Variants in KTN1 observed in about 807,000 individuals in gnomAD.
KTN1 encodes the protein kinectin 1.
KTN1 carries 130 observed loss-of-function variants against 222.5 expected under a neutral mutation model. The observed-to-expected ratio is 0.58, with a 90% CI of 0.51 to 0.68. KTN1 has a LOEUF of 0.68. Among genes scored for constraint, KTN1 ranks in the 30% least tolerant of loss-of-function variants. The probability of loss-of-function intolerance (pLI) is 0.00; values close to 1 mark genes in which losing one functional copy is unlikely to be tolerated. For synonymous variants in KTN1, 512 were observed against 496.3 expected, an observed-to-expected ratio of 1.03 and a Z score of -0.42; for missense variants, 1,508 against 1,500.4, an observed-to-expected ratio of 1.01 and a Z score of -0.08.
intron 1 of KTN1, among the ~76,000 whole-genome samples, chr14:55,584,941 TGG>T (rs1404983713): frequency 1.3e-5 from 2 of 152,054 alleles, no homozygotes; most frequent in Non-Finnish European, 2.9e-5. Flanking sequence ...GGGACCAGCC[TGG>T]GCAACGTGGC....
intron 37 of KTN1, chr14:55,672,228 G>A (rs779583314): frequency 2.6e-5 from 6 of 232,266 alleles, no homozygotes; most frequent in Non-Finnish European, 4.9e-5. Context: ...TTCTATTCCT[G>A]GGACCTGAAT....
Position 55,637,759 on chromosome 14 carries a change from T to C in KTN1, c.1717-20T>C, listed in dbSNP as rs1259286769. ...ATTTATTAGCATGCTTTTTCTCTTT[T>C]TGGTTGCTATTTATGAAAGGATATT... On this transcript the variant is annotated intron_variant, in intron 11 of 43. Coordinates refer to ENST00000395314, the MANE Select transcript of KTN1 (RefSeq NM_001079521.2). The C allele has an allele frequency of 6.3e-6, 10 of 1,589,066 alleles. No individual in the cohort carries two copies. The highest frequency in any genetic ancestry group is 7.8e-6 in the Non-Finnish European group (9 of 1,160,414).
chr14:55,647,521 T>G (rs1312255564), intron 19 of KTN1, among the ~76,000 whole-genome samples: 1 of 148,402 alleles, frequency 6.7e-6, no homozygotes, highest in East Asian at 2.0e-4. Flanking sequence ...TAATCCCAGC[T>G]ACTTGGGAGG....
chr14:55,619,400 A>G lies in KTN1; in HGVS notation c.963+88A>G. On this transcript the variant is annotated intron_variant, in intron 5 of 43. Transcript: ENST00000395314. ...ACTTTAGCCAGAGCAATTAATATCT[A>G]CTCCCATCCTTAACATCTCAGAACA... 2.5e-6 allele frequency: 3 copies of G among 1,203,008 alleles called. 1 individual carries two copies. In the South Asian group the frequency reaches 4.0e-5, roughly 16 times the overall value. 74.5% of individuals were successfully genotyped at this position (1,203,008 alleles called of 1,614,324 possible). A position where few individuals can be genotyped will look rare whatever the true frequency, so the allele number is the denominator to read the frequency against.
chr14:55,675,778 G>A (rs1262816374), intron 40 of KTN1, 57 bp from the exon 41 acceptor site: 5 of 1,151,118 alleles, frequency 4.3e-6, no homozygotes, highest in South Asian at 3.8e-5. Context: ...AGAGGTATCA[G>A]CATAATCAAA....
chr14:55,609,827 C>G (rs2037280098), intron 1 of KTN1, among the ~76,000 whole-genome samples: 1 of 151,962 alleles, frequency 6.6e-6, no homozygotes, highest in African/African-American at 2.4e-5. Flanking sequence ...TGTTTTTTCT[C>G]CCTCGACTGC....
intron 1 of KTN1, among the ~76,000 whole-genome samples, chr14:55,597,469 C>T (rs2035244463): frequency 2.0e-5 from 3 of 152,186 alleles, no homozygotes; most frequent in Admixed American, 2.0e-4. Flanking sequence ...TGTTTATTCA[C>T]AATTTTGCTG....
At chr14:55,663,735 A>G in intron 32 of KTN1, 1 of 445,386 alleles carries the variant, frequency 2.2e-6, no homozygotes, top group Non-Finnish European at 4.0e-6. Context: ...AAGCTGGCCT[A>G]TTTGATATAT....
At chr14:55,622,770 C>G (rs1446083983) in intron 5 of KTN1, among the ~76,000 whole-genome samples, 1 of 152,152 alleles carries the variant, frequency 6.6e-6, no homozygotes, top group East Asian at 1.9e-4. Flanking sequence ...TCCCACATAA[C>G]TGTAAAGTGA....
chr14:55,585,792 T>C (rs980424927), intron 1 of KTN1, among the ~76,000 whole-genome samples: 6 of 152,222 alleles, frequency 3.9e-5, no homozygotes, highest in African/African-American at 1.4e-4. Flanking sequence ...AGGAGGAGAA[T>C]GTCAGTTAAT....
intron 18 of KTN1, among the ~76,000 whole-genome samples, chr14:55,642,053 T>A (rs950416537): frequency 6.6e-6 from 1 of 152,218 alleles, no homozygotes; most frequent in Admixed American, 6.5e-5. Flanking sequence ...ATGTCCTGCC[T>A]TAGACTTGGA....
chr14:55,646,114 T>G (rs534025036), intron 18 of KTN1, among the ~76,000 whole-genome samples: 4 of 148,868 alleles, frequency 2.7e-5, no homozygotes, highest in African/African-American at 1.0e-4. Flanking sequence ...ATTTTAACAT[T>G]GGGGACTTGT....
intron 5 of KTN1, among the ~76,000 whole-genome samples, chr14:55,626,865 A>AC (rs2039896564): frequency 7.1e-6 from 1 of 141,094 alleles, no homozygotes; most frequent in Admixed American, 7.0e-5. Flanking sequence ...TTTATCTGCA[A>AC]CTTTTTTTTT....
intron 3 of KTN1, among the ~76,000 whole-genome samples, chr14:55,617,632 G>A (rs2038570031): frequency 6.6e-6 from 1 of 152,122 alleles, no homozygotes; most frequent in East Asian, 1.9e-4. Context: ...TTTTCCTTGA[G>A]CACTAATTAA....
intron 4 of KTN1, among the ~76,000 whole-genome samples, chr14:55,618,600 T>C (rs1488370115): frequency 2.0e-5 from 3 of 152,190 alleles, no homozygotes; most frequent in Non-Finnish European, 4.4e-5. Flanking sequence ...GTGGCAGCTC[T>C]TTTTAAGAAG....
chr14:55,654,662 A>C (rs182216900), intron 28 of KTN1, among the ~76,000 whole-genome samples: 358 of 152,216 alleles, frequency 2.4e-3, no homozygotes, highest in Non-Finnish European at 3.2e-3. Flanking sequence ...TTGCATTAGC[A>C]TGGTACATTT....
At chr14:55,604,151 C>G (rs1043949918) in intron 1 of KTN1, among the ~76,000 whole-genome samples, 1 of 152,140 alleles carries the variant, frequency 6.6e-6, no homozygotes, top group Non-Finnish European at 1.5e-5. Flanking sequence ...ACCACATCCC[C>G]TCTCCCTTTC....
chr14:55,640,249 C>T (rs2041632533), intron 14 of KTN1, 125 bp from the exon 15 acceptor site: 1 of 713,232 alleles, frequency 1.4e-6, no homozygotes, highest in South Asian at 1.8e-5. Flanking sequence ...TTGGTGGTTT[C>T]TCTTGATTAT....
intron 9 of KTN1, among the ~76,000 whole-genome samples, 181 bp from the exon 10 acceptor site, chr14:55,636,268 A>G (rs771189284): frequency 6.6e-6 from 1 of 152,210 alleles, no homozygotes; most frequent in African/African-American, 2.4e-5. Flanking sequence ...GCTATGGCTG[A>G]TAAATAAATG....
Sources: allele counts gnomAD v4.1 joint callset (sites outside exome capture counted in the v4.1 genomes callset), GRCh38; gene constraint gnomAD v4.1.1; transcripts MANE v1.5; gene names NCBI Gene and HGNC (gene_info 2026-07-23, HGNC 2026-07-21).